The following RIOX2 variants were observed in gnomAD, a reference collection of about 807,000 sequenced individuals.
The protein encoded by RIOX2 is 60S ribosomal protein L27a histidine hydroxylase.
In RIOX2, 43 loss-of-function variants were observed where a neutral mutation model predicts 51.2. The observed-to-expected ratio is 0.84, with a 90% CI of 0.66 to 1.08. RIOX2 has a LOEUF of 1.08. Among genes scored for constraint, RIOX2 ranks in the 50% least tolerant of loss-of-function variants. The probability of loss-of-function intolerance (pLI) is 0.00; values close to 1 mark genes in which losing one functional copy is unlikely to be tolerated. For missense variants in RIOX2, 566 were observed against 561.7 expected (o/e 1.01, Z -0.08); for synonymous variants, 226 against 218.5 (o/e 1.03, Z -0.30).
At chr3:97,950,981 A>G (rs773782327) in intron 5 of RIOX2, 93 bp from the exon 6 acceptor site, 14 of 855,888 alleles carry the variant, frequency 1.6e-5, no homozygotes, top group Non-Finnish European at 2.5e-5. Flanking sequence ...GCCAAAAGCT[A>G]CAAATTGGAT....
At chr3:97,965,158 G>GGT (rs1349627945) in intron 2 of RIOX2, among the ~76,000 whole-genome samples, 2 of 150,104 alleles carry the variant, frequency 1.3e-5, no homozygotes, top group African/African-American at 2.5e-5. Context: ...AGTGTAAGAC[G>GGT]GTGAGCTCCT....
chr3:97,954,610 C>A, intron 4 of RIOX2, 115 bp from the exon 5 acceptor site: 1 of 831,140 alleles, frequency 1.2e-6, no homozygotes, highest in Non-Finnish European at 2.0e-6. Context: ...CTAGAAACCA[C>A]AACCTCAAGG....
intron 8 of RIOX2, among the ~76,000 whole-genome samples, chr3:97,946,579 T>C (rs1197577365): frequency 9.9e-6 from 1 of 100,838 alleles, no homozygotes; most frequent in East Asian, 3.2e-4. Context: ...TGTGTACTTT[T>C]GAGGATGTAT....
At chr3:97,958,136 T>G (rs1705523452) in intron 4 of RIOX2, among the ~76,000 whole-genome samples, 1 of 152,190 alleles carries the variant, frequency 6.6e-6, no homozygotes, top group South Asian at 2.1e-4. Flanking sequence ...TTCCCTTAGT[T>G]ACTGGGAGGT....
intron 4 of RIOX2, among the ~76,000 whole-genome samples, chr3:97,957,793 C>T (rs960900728): frequency 2.0e-5 from 3 of 152,174 alleles, no homozygotes; most frequent in East Asian, 1.9e-4. Context: ...AACCGTGAAT[C>T]TATGTAAACA....
At position 97,945,923 on chromosome 3, in the gene RIOX2, AAC is replaced by A. The variant is rs939791291; in HGVS notation, c.1150-38_1150-37del. Reference sequence around the variant, plus strand: ...AAAATAAATGCATTAGGCCATCAACAACACAACACTGAAGGTGTCAGTACTAG... The same window carrying A: ...AAAATAAATGCATTAGGCCATCAACAACAACACTGAAGGTGTCAGTACTAG... On this transcript the variant is annotated intron_variant, in intron 8 of 9. Transcript: ENST00000394198. 5 of 1,441,670 alleles carry A rather than the reference AAC, an allele frequency of 3.5e-6. No homozygotes were observed. The African/African-American group carries it at 5.5e-5, about 16-fold the overall frequency. 89.3% of individuals were successfully genotyped at this position (1,441,670 alleles called of 1,614,324 possible). A position where few individuals can be genotyped will look rare whatever the true frequency, so the allele number is the denominator to read the frequency against.
At chr3:97,960,348 A>T (rs1705628507) in intron 3 of RIOX2, among the ~76,000 whole-genome samples, 1 of 152,248 alleles carries the variant, frequency 6.6e-6, no homozygotes, top group South Asian at 2.1e-4. Flanking sequence ...TATTAAAAAT[A>T]CTTTTCCCTT....
intron 2 of RIOX2, among the ~76,000 whole-genome samples, chr3:97,961,938 A>G (rs1705693160): frequency 6.6e-6 from 1 of 152,226 alleles, no homozygotes; most frequent in Admixed American, 6.5e-5. Flanking sequence ...GGGATGACTG[A>G]CAAGGTGGGC....
intron 5 of RIOX2, chr3:97,952,183 C>T (rs762829199): frequency 7.8e-6 from 10 of 1,289,662 alleles, no homozygotes; most frequent in Middle Eastern, 2.1e-4. Context: ...GCATTAGGCT[C>T]AAAACACAGG....
chr3:97,946,586 G>GTA lies in RIOX2; in HGVS notation c.1150-701_1150-700dup, dbSNP rs4061087. On this transcript the variant is annotated intron_variant, in intron 8 of 9. Coordinates refer to ENST00000394198, the MANE Select transcript of RIOX2 (RefSeq NM_153182.4). ...TGTAGGAATGTGTACTTTTGAGGAT[G>GTA]TATATATATATATATATATATCTAT... Among the ~76,000 whole-genome samples, 719 of 127,526 alleles carry GTA rather than the reference G, an allele frequency of 5.6e-3. 12 individuals are homozygous for GTA. Among genetic ancestry groups the GTA allele is most frequent in the Non-Finnish European group, 7.3e-3 (464 of 63,486 alleles). 83.7% of individuals were successfully genotyped at this position (127,526 alleles called of 152,430 possible).
At chr3:97,955,604 C>T (rs1241240881) in intron 4 of RIOX2, among the ~76,000 whole-genome samples, 1 of 152,088 alleles carries the variant, frequency 6.6e-6, no homozygotes, top group African/African-American at 2.4e-5. Context: ...CAAATTTTCC[C>T]TGAATGACAA....
chr3:97,971,214 C>A (rs1056254884), intron 1 of RIOX2, among the ~76,000 whole-genome samples: 1 of 152,188 alleles, frequency 6.6e-6, no homozygotes, highest in African/African-American at 2.4e-5. Context: ...TCTACATCCC[C>A]TGGGCAGTTT....
intron 5 of RIOX2, 42 bp downstream of exon 5, chr3:97,954,350 T>TCCTC (rs1476730131): frequency 1.4e-6 from 2 of 1,450,166 alleles, no homozygotes; most frequent in Non-Finnish European, 1.9e-6. Flanking sequence ...AGGCCAGGAC[T>TCCTC]CAGAGCTGTC....
chr3:97,954,427 G>C lies in RIOX2; in HGVS notation c.750C>G (p.His250Gln). ...AGGTGCTGATGGTCACGTGAGTAGA[G>C]TGGGCCAGCCCCGCAGGAGTGTCCG... The part of the protein sequence containing the change: ...HQADTPAGLA[H>Q]STHVTISTYQ... Residue 250 changes from histidine (H) to glutamine (Q), a missense_variant, in exon 5 of 10, where the codon CAC becomes CAG. Coordinates refer to ENST00000394198, the MANE Select transcript of RIOX2 (RefSeq NM_153182.4). 11 of 1,614,058 alleles carry C rather than the reference G, an allele frequency of 6.8e-6. No individual in the cohort carries two copies. Among genetic ancestry groups the C allele is most frequent in the Non-Finnish European group, 9.3e-6 (11 of 1,179,890 alleles).
chr3:97,951,357 G>A (rs1469516734), intron 5 of RIOX2, among the ~76,000 whole-genome samples: 2 of 152,184 alleles, frequency 1.3e-5, no homozygotes, highest in East Asian at 1.9e-4. Context: ...TTGAACAGTT[G>A]TATGTTACAT....
At chr3:97,951,046 T>C (rs1029141040) in intron 5 of RIOX2, 158 bp from the exon 6 acceptor site, 3 of 595,254 alleles carry the variant, frequency 5.0e-6, no homozygotes, top group South Asian at 4.2e-5. Context: ...TTACTCAGCA[T>C]GGAAATCTAA....
chr3:97,971,393 C>A (rs779013717), intron 1 of RIOX2, among the ~76,000 whole-genome samples: 3 of 152,192 alleles, frequency 2.0e-5, no homozygotes, highest in Non-Finnish European at 2.9e-5. Context: ...AACAGTCAAA[C>A]GCAGCTCAGT....
chr3:97,943,530 A>G lies in RIOX2; in HGVS notation c.*1654T>C, dbSNP rs2040280342. ...TCAGTGTTCCTATAAAGAAAATATT[A>G]TGATATCTTGGAAAGGTTCTATTCC... On this transcript the variant is annotated 3_prime_UTR_variant, in exon 10 of 10. Transcript: ENST00000394198. 2.0e-6 allele frequency: 1 copy of G among 501,118 alleles called. No homozygotes were observed. Among genetic ancestry groups the G allele is most frequent in the East Asian group, 3.8e-5 (1 of 26,172 alleles). 31.0% of individuals were successfully genotyped at this position (501,118 alleles called of 1,614,324 possible).
At chr3:97,958,937 T>C in intron 4 of RIOX2, 114 bp downstream of exon 4, 1 of 1,200,360 alleles carries the variant, frequency 8.3e-7, no homozygotes, top group Non-Finnish European at 1.1e-6. Context: ...CCCAGGGATA[T>C]ATTCCCACGG....
Sources: gnomAD v4.1 joint callset for allele counts (sites outside exome capture counted in the v4.1 genomes callset) on GRCh38, gnomAD v4.1.1 for gene constraint, MANE v1.5 for transcripts, NCBI Gene and HGNC (gene_info 2026-07-23, HGNC 2026-07-21) for gene names.